TRPS1: variants seen among roughly 807,000 people sequenced by gnomAD.
The protein encoded by TRPS1 is zinc finger transcription factor Trps1.
In TRPS1, 6 loss-of-function variants were observed where a neutral mutation model predicts 101.2. The observed-to-expected ratio is 0.06, with a 90% CI of 0.03 to 0.12. The LOEUF (loss-of-function observed/expected upper bound fraction) is 0.12. TRPS1 is among the 10% of genes least tolerant of loss of function. TRPS1 has a pLI of 1.00. For synonymous variants in TRPS1, 578 were observed against 589.8 expected (o/e 0.98, Z 0.29); for missense variants, 1,363 against 1,567.0 (o/e 0.87, Z 2.20).
chr8:115,498,415 C>CTCTCTATATATA (rs1486361297), intron 5 of TRPS1, among the ~76,000 whole-genome samples: 4 of 39,316 alleles, frequency 1.0e-4, no homozygotes, highest in Non-Finnish European at 1.3e-4. Context: ...CTCTCTCTCT[C>CTCTCTATATATA]TATATATATA....
intron 1 of TRPS1, among the ~76,000 whole-genome samples, chr8:115,658,910 T>C (rs1171905485): frequency 5.3e-5 from 8 of 152,080 alleles, no homozygotes; most frequent in Non-Finnish European, 1.2e-4. Context: ...TTTTTACCAA[T>C]GACCTAAAAT....
intron 5 of TRPS1, among the ~76,000 whole-genome samples, chr8:115,518,077 T>C (rs1563569322): frequency 2.0e-5 from 1 of 50,238 alleles, no homozygotes; most frequent in Non-Finnish European, 4.1e-5. Flanking sequence ...AACTTCCACA[T>C]GCCCAGCACT....
chr8:115,620,589 G>A (rs1372566582), intron 2 of TRPS1, among the ~76,000 whole-genome samples: 3 of 152,052 alleles, frequency 2.0e-5, no homozygotes, highest in South Asian at 2.1e-4. Context: ...CTATGTAACC[G>A]GGATGTAAAT....
intron 5 of TRPS1, among the ~76,000 whole-genome samples, chr8:115,445,389 T>C (rs988652777): frequency 6.6e-6 from 1 of 152,180 alleles, no homozygotes; most frequent in African/African-American, 2.4e-5. Context: ...TTCTGCAACA[T>C]CCCCAAAACC....
intron 5 of TRPS1, among the ~76,000 whole-genome samples, chr8:115,429,732 C>T (rs2129822840): frequency 6.6e-6 from 1 of 152,262 alleles, no homozygotes. Context: ...AAATATAACA[C>T]TAACTTTTCA....
intron 5 of TRPS1, among the ~76,000 whole-genome samples, chr8:115,534,036 G>A (rs1368686716): frequency 2.0e-5 from 3 of 152,092 alleles, no homozygotes; most frequent in African/African-American, 7.2e-5. Context: ...GGAGATTGAA[G>A]CTCTAACCAC....
intron 5 of TRPS1, among the ~76,000 whole-genome samples, chr8:115,555,587 G>C (rs1469094401): frequency 1.3e-5 from 2 of 152,050 alleles, no homozygotes; most frequent in Non-Finnish European, 2.9e-5. Context: ...TTGATGAAGG[G>C]AGGATAATGA....
At chr8:115,507,129 G>A (rs894548666) in intron 5 of TRPS1, among the ~76,000 whole-genome samples, 2 of 152,128 alleles carry the variant, frequency 1.3e-5, no homozygotes, top group Admixed American at 6.6e-5. Context: ...AATCTCCTCA[G>A]TAAATAGCTC....
intron 5 of TRPS1, among the ~76,000 whole-genome samples, chr8:115,425,291 C>A (rs1330901294): frequency 6.6e-6 from 1 of 152,122 alleles, no homozygotes; most frequent in Admixed American, 6.5e-5. Context: ...AGATTTCTTG[C>A]CAAAAAACTG....
intron 5 of TRPS1, among the ~76,000 whole-genome samples, chr8:115,520,090 G>A (rs1815820745): frequency 6.6e-6 from 1 of 151,184 alleles, no homozygotes; most frequent in Non-Finnish European, 1.5e-5. Context: ...TAATTGTTTT[G>A]CAAATTCATC....
chr8:115,582,972 T>C (rs778553108), intron 5 of TRPS1, among the ~76,000 whole-genome samples: 5 of 152,198 alleles, frequency 3.3e-5, no homozygotes, highest in Non-Finnish European at 7.3e-5. Context: ...TGATTTTCCA[T>C]GAGCTCCCCC....
At chr8:115,571,213 C>T (rs1287407485) in intron 5 of TRPS1, among the ~76,000 whole-genome samples, 1 of 152,148 alleles carries the variant, frequency 6.6e-6, no homozygotes, top group Non-Finnish European at 1.5e-5. Flanking sequence ...AATTGGTATA[C>T]TCAGGGTAGT....
intron 5 of TRPS1, among the ~76,000 whole-genome samples, chr8:115,545,423 T>G (rs1816547273): frequency 1.3e-5 from 2 of 152,132 alleles, no homozygotes; most frequent in African/African-American, 4.8e-5. Flanking sequence ...TCTTAAATAT[T>G]CTCTCTAATT....
chr8:115,636,846 G>T (rs756510478), intron 1 of TRPS1, among the ~76,000 whole-genome samples: 2 of 151,692 alleles, frequency 1.3e-5, no homozygotes, highest in Non-Finnish European at 2.9e-5. Context: ...TGGGAGGTGG[G>T]GGTTACAGTG....
At chr8:115,523,594 T>G (rs1421182614) in intron 5 of TRPS1, among the ~76,000 whole-genome samples, 1 of 152,148 alleles carries the variant, frequency 6.6e-6, no homozygotes, top group Non-Finnish European at 1.5e-5. Flanking sequence ...TAGGCAAACT[T>G]GCATTTAAAA....
At chr8:115,522,712 A>G (rs1440816864) in intron 5 of TRPS1, among the ~76,000 whole-genome samples, 2 of 152,150 alleles carry the variant, frequency 1.3e-5, no homozygotes, top group African/African-American at 4.8e-5. Context: ...ACTACATATT[A>G]TGTTAATGTA....
At chr8:115,541,465 C>A (rs1816452333) in intron 5 of TRPS1, among the ~76,000 whole-genome samples, 1 of 152,142 alleles carries the variant, frequency 6.6e-6, no homozygotes, top group Admixed American at 6.6e-5. Context: ...ACACTTTCAC[C>A]TTTAAAAAGT....
intron 5 of TRPS1, among the ~76,000 whole-genome samples, chr8:115,435,104 C>G (rs10505253): frequency 1.3e-5 from 2 of 151,958 alleles, no homozygotes; most frequent in Non-Finnish European, 2.9e-5. Flanking sequence ...ACAAGGCCTC[C>G]GAGTTTATAC....
At chr8:115,620,804 G>T (rs557015460) in intron 2 of TRPS1, among the ~76,000 whole-genome samples, 1 of 152,278 alleles carries the variant, frequency 6.6e-6, no homozygotes, top group African/African-American at 2.4e-5. Flanking sequence ...GGTCAGATCA[G>T]GTTTTCCTAG....
Sources: allele counts gnomAD v4.1 joint callset (sites outside exome capture counted in the v4.1 genomes callset), GRCh38; gene constraint gnomAD v4.1.1; transcripts MANE v1.5; gene names NCBI Gene and HGNC (gene_info 2026-07-23, HGNC 2026-07-21).